Variants in TRIM33 observed in about 807,000 individuals in gnomAD.
TRIM33 encodes the protein E3 ubiquitin-protein ligase TRIM33.
In TRIM33, 20 loss-of-function variants were observed where a neutral mutation model predicts 125.4. That is an observed-to-expected ratio of 0.16 (90% CI 0.11 to 0.23). The LOEUF (loss-of-function observed/expected upper bound fraction) is 0.23. TRIM33 is among the 10% of genes least tolerant of loss of function. The pLI is 1.00. For missense variants in TRIM33, 920 were observed against 1,411.4 expected, an observed-to-expected ratio of 0.65 and a Z score of 5.58; for synonymous variants, 564 against 513.9, an observed-to-expected ratio of 1.10 and a Z score of -1.32.
chr1:114,494,316 T>C (rs532946481), intron 1 of TRIM33, among the ~76,000 whole-genome samples: 37 of 152,186 alleles, frequency 2.4e-4, no homozygotes, highest in African/African-American at 6.5e-4. Context: ...TCTGGCACCA[T>C]TGTCCAGTAT....
At chr1:114,470,506 GTCTC>G (rs1650571600) in intron 1 of TRIM33, among the ~76,000 whole-genome samples, 1 of 152,032 alleles carries the variant, frequency 6.6e-6, no homozygotes, top group Non-Finnish European at 1.5e-5. Flanking sequence ...GCCACTCCCT[GTCTC>G]TCTCCCTTTC....
intron 1 of TRIM33, among the ~76,000 whole-genome samples, chr1:114,504,112 CA>C (rs1214827156): frequency 6.6e-6 from 1 of 152,042 alleles, no homozygotes; most frequent in Non-Finnish European, 1.5e-5. Flanking sequence ...AGTAAATATG[CA>C]ATGACTTTTA....
intron 6 of TRIM33, 23 bp downstream of exon 6, chr1:114,430,775 T>C (rs1015081581): frequency 7.5e-7 from 1 of 1,336,592 alleles, no homozygotes; most frequent in African/African-American, 1.5e-5. Context: ...CAGTTTTTGT[T>C]TTATTTTGGC....
chr1:114,496,562 C>G (rs1013864800), intron 1 of TRIM33, among the ~76,000 whole-genome samples: 2 of 152,112 alleles, frequency 1.3e-5, no homozygotes, highest in African/African-American at 2.4e-5. Context: ...AAAAAAGTAT[C>G]AAGGATAGTA....
chr1:114,442,328 A>AT (rs1648701530), intron 4 of TRIM33, among the ~76,000 whole-genome samples: 2 of 152,218 alleles, frequency 1.3e-5, no homozygotes. Context: ...CTGACAGTAG[A>AT]TATGTATTTA....
chr1:114,476,961 TTA>T (rs1651009861), intron 1 of TRIM33, among the ~76,000 whole-genome samples: 2 of 152,296 alleles, frequency 1.3e-5, no homozygotes, highest in East Asian at 3.9e-4. Flanking sequence ...CGAATTCATT[TTA>T]TAGAGCCCGA....
At position 114,405,539 on chromosome 1, in the gene TRIM33, T is replaced by C. The variant is rs776801067; in HGVS notation, c.2639A>G (p.Asn880Ser). 4.3e-6 allele frequency: 7 copies of C among 1,614,120 alleles called. No homozygotes were observed. Among genetic ancestry groups the C allele is most frequent in the African/African-American group, 1.3e-5 (1 of 74,938 alleles). The change falls in exon 15 of 20, where the codon AAT becomes AGT. Residue 880 changes from asparagine (N) to serine (S), a missense_variant. By Grantham distance (46) the Asn-to-Ser change is conservative. Coordinates refer to ENST00000358465, the MANE Select transcript of TRIM33 (RefSeq NM_015906.4). ...GTCTTCATTTGGGTCATCATCTTTA[T>C]TGTTGCCATCTCCTCCAATCCTTGC... The part of the protein sequence containing the change: ...RSARIGGDGN[N>S]KDDDPNEDWC...
chr1:114,448,297 A>G (rs1056281749), intron 4 of TRIM33, among the ~76,000 whole-genome samples: 2 of 152,222 alleles, frequency 1.3e-5, no homozygotes, highest in Non-Finnish European at 2.9e-5. Flanking sequence ...TAGATGTGGT[A>G]GAGGGAGTCT....
At chr1:114,484,915 G>A (rs925165735) in intron 1 of TRIM33, among the ~76,000 whole-genome samples, 1 of 151,940 alleles carries the variant, frequency 6.6e-6, no homozygotes, top group African/African-American at 2.4e-5. Context: ...AGCCAGGCGT[G>A]GTGGCACATG....
At chr1:114,430,034 T>G (rs1647842846) in intron 6 of TRIM33, among the ~76,000 whole-genome samples, 1 of 151,940 alleles carries the variant, frequency 6.6e-6, no homozygotes. Flanking sequence ...AAGTTTAAGG[T>G]TTATAAATTT....
intron 1 of TRIM33, among the ~76,000 whole-genome samples, chr1:114,501,562 G>A (rs1210146395): frequency 6.6e-6 from 1 of 152,032 alleles, no homozygotes; most frequent in African/African-American, 2.4e-5. Flanking sequence ...TCTTGGTCAC[G>A]GAGACCAGCC....
At chr1:114,468,419 G>A in intron 1 of TRIM33, 1 of 359,516 alleles carries the variant, frequency 2.8e-6, no homozygotes. Context: ...AAACAGAGGA[G>A]ACCCAGCCCT....
At chr1:114,490,500 T>C (rs1651998676) in intron 1 of TRIM33, among the ~76,000 whole-genome samples, 1 of 152,134 alleles carries the variant, frequency 6.6e-6, no homozygotes, top group African/African-American at 2.4e-5. Flanking sequence ...AGATTAAATA[T>C]AAGTTACCAC....
intron 1 of TRIM33, among the ~76,000 whole-genome samples, chr1:114,467,632 C>A (rs879603100): frequency 6.6e-6 from 1 of 152,120 alleles, no homozygotes; most frequent in Non-Finnish European, 1.5e-5. Context: ...ACATCAAAGG[C>A]CAGGACACAA....
At chr1:114,491,098 T>C (rs1398133928) in intron 1 of TRIM33, among the ~76,000 whole-genome samples, 9 of 152,176 alleles carry the variant, frequency 5.9e-5, no homozygotes, top group Non-Finnish European at 1.2e-4. Context: ...ATGGTGATGG[T>C]TACACAACTC....
chr1:114,481,883 CT>C (rs1308328118), intron 1 of TRIM33, among the ~76,000 whole-genome samples: 6 of 151,946 alleles, frequency 3.9e-5, no homozygotes, highest in African/African-American at 1.5e-4. Flanking sequence ...CCTCAGCCCC[CT>C]AGTAGCTGAG....
rs1467547844 is a variant in TRIM33, at chr1:114,396,797, C to A, written c.*851G>T. ...CTGGAAAAGAGCCAGTTGTCACCTT[C>A]TCAAATTTAAATGTACAGAAAACTA... On this transcript the variant is annotated 3_prime_UTR_variant, in exon 20 of 20. Transcript: ENST00000358465. The A allele has an allele frequency of 3.3e-5, 7 of 209,338 alleles. No homozygotes were observed. The Admixed American group carries it at 3.5e-4, about 11-fold the overall frequency. The allele number at this position is 209,338 out of a possible 1,614,324, so 13.0% of individuals were successfully genotyped here.
intron 11 of TRIM33, among the ~76,000 whole-genome samples, chr1:114,420,703 T>C (rs1653230521): frequency 6.6e-6 from 1 of 152,244 alleles, no homozygotes; most frequent in Admixed American, 6.5e-5. Flanking sequence ...AATGTAATGC[T>C]CTGATCTATG....
intron 4 of TRIM33, among the ~76,000 whole-genome samples, chr1:114,451,386 A>G (rs1314346550): frequency 2.6e-5 from 4 of 151,880 alleles, no homozygotes; most frequent in African/African-American, 9.7e-5. Context: ...AAAAAAAAAA[A>G]AAAAAAGGAC....
Sources: gnomAD v4.1 joint callset for allele counts (sites outside exome capture counted in the v4.1 genomes callset) on GRCh38, gnomAD v4.1.1 for gene constraint, MANE v1.5 for transcripts, NCBI Gene and HGNC (gene_info 2026-07-23, HGNC 2026-07-21) for gene names.